The following MSI1 variants were observed in gnomAD, a reference collection of about 807,000 sequenced individuals.
The protein encoded by MSI1 is RNA-binding protein Musashi homolog 1.
Under a neutral mutation model 54.4 loss-of-function variants are expected in MSI1, and 15 were observed. That is an observed-to-expected ratio of 0.28 (90% CI 0.18 to 0.42). The LOEUF is 0.42. MSI1 is among the 20% of genes least tolerant of loss of function. MSI1 has a pLI of 1.00. For missense variants in MSI1, 304 were observed against 506.0 expected, an observed-to-expected ratio of 0.60 and a Z score of 3.83; for synonymous variants, 200 against 196.5, an observed-to-expected ratio of 1.02 and a Z score of -0.15.
chr12:120,344,745 C>G (rs1592920371), intron 14 of MSI1, among the ~76,000 whole-genome samples: 1 of 147,946 alleles, frequency 6.8e-6, no homozygotes, highest in African/African-American at 2.5e-5. Flanking sequence ...CGGTGGCTCA[C>G]CCCTGTAATC....
At position 120,346,097 on chromosome 12, in the gene MSI1, G is replaced by C. The variant is rs1443544306; in HGVS notation, c.1047+38C>G. 5.4e-6 allele frequency: 8 copies of C among 1,478,508 alleles called. No individual in the cohort carries two copies. The African/African-American group carries it at 5.6e-5, about 10-fold the overall frequency. The allele number at this position is 1,478,508 out of a possible 1,614,324, so 91.6% of individuals were successfully genotyped here. The stretch of plus-strand genomic sequence containing the variant: ...CCAACTTGGGGGTCTCTCAAGGTGT[G>C]GGGGGTGAGGTGGGGGCCGCTAGGC... On this transcript the variant is annotated intron_variant, in intron 13 of 14. Transcript: ENST00000257552.
Position 120,368,359 on chromosome 12 carries a change from G to T in MSI1, c.101-86C>A, listed in dbSNP as rs1397818600. ...CCTTTGCCCCCGGTGACCCCGGAGC[G>T]GCCCGGCCGCCCCCGCGCCAAGCTG... On this transcript the variant is annotated intron_variant, in intron 2 of 14. Transcript: ENST00000257552. This position sits in a 1 kb window ranked among gnomAD's most constrained non-coding sequence, Gnocchi z 6.6. The T allele has an allele frequency of 3.6e-6, 5 of 1,387,346 alleles. No homozygotes were observed. In the East Asian group the frequency reaches 8.0e-5, roughly 22 times the overall value. The allele number at this position is 1,387,346 out of a possible 1,614,324, so 85.9% of individuals were successfully genotyped here.
At chr12:120,353,448 T>C (rs1175711519) in intron 9 of MSI1, 69 bp from the exon 10 acceptor site, 6 of 1,393,604 alleles carry the variant, frequency 4.3e-6, no homozygotes, top group Middle Eastern at 1.8e-4. Context: ...GAGAAGGACC[T>C]GAGCCACTCA....
Position 120,356,893 on chromosome 12 carries a change from C to T in MSI1, c.652+9G>A. Reference sequence around the variant, plus strand: ...CAGAAAGAAGCCGCAGGCGCAGGCTCGCGCATACCCAGCATGCCGATGCCC... The same window carrying T: ...CAGAAAGAAGCCGCAGGCGCAGGCTTGCGCATACCCAGCATGCCGATGCCC... On this transcript the variant is annotated intron_variant, in intron 9 of 14. Transcript: ENST00000257552. 5 of 1,611,510 alleles carry T rather than the reference C, an allele frequency of 3.1e-6. No homozygotes were observed. Among genetic ancestry groups the T allele is most frequent in the Non-Finnish European group, 4.2e-6 (5 of 1,178,370 alleles).
chr12:120,368,300 C>A lies in MSI1; in HGVS notation c.101-27G>T. ...TGTAACCACACACCCGCCTTCGGAC[C>A]AGCCCGGGCCCCGCGCCCTTCCCCC... On this transcript the variant is annotated intron_variant, in intron 2 of 14. Coordinates refer to ENST00000257552, the MANE Select transcript of MSI1 (RefSeq NM_002442.4). The surrounding 1 kb of genome is among the most constrained non-coding windows in gnomAD (Gnocchi z 6.6). 1.3e-6 allele frequency: 2 copies of A among 1,544,766 alleles called. No homozygotes were observed. Among genetic ancestry groups the A allele is most frequent in the Non-Finnish European group, 8.7e-7 (1 of 1,146,032 alleles).
At chr12:120,363,202 C>G in intron 5 of MSI1, 67 bp from the exon 6 acceptor site, 1 of 1,385,816 alleles carries the variant, frequency 7.2e-7, no homozygotes, top group Admixed American at 1.7e-5. Context: ...AGCAGGGGCT[C>G]GAGCCCCCCT....
At chr12:120,359,898 T>A (rs969922046) in intron 6 of MSI1, among the ~76,000 whole-genome samples, 1 of 151,302 alleles carries the variant, frequency 6.6e-6, no homozygotes, top group Non-Finnish European at 1.5e-5. Context: ...TCCAAAGGAT[T>A]AAAAAAAAAC....
chr12:120,347,425 C>G, intron 12 of MSI1, 21 bp downstream of exon 12: 1 of 1,613,874 alleles, frequency 6.2e-7, no homozygotes, highest in South Asian at 1.1e-5. Flanking sequence ...ATCTCTCTTC[C>G]TGCACCTCAG....
In MSI1 at chr12:120,369,052, C is replaced by T; in HGVS notation, c.40G>A (p.Asp14Asn). Residue 14 changes from aspartate to asparagine, a missense_variant, in exon 1 of 15, where the codon GAC (aspartate) becomes AAC (asparagine). Asp to Asn is a conservative substitution (Grantham distance 23, BLOSUM62 1). This residue lies in a region of MSI1 where 30 missense variants were observed against 24.8 expected (regional missense o/e 1.21). Transcript: ENST00000257552. ...CCGTACCAGGGGTCGTGCGGCGAGT[C>T]CGGGGAGGCGAGGCCGGGCTGGGGC... is the stretch of plus-strand genomic sequence containing the variant. ...DAPQPGLASP[D>N]SPHDPCKMFI... 7.8e-6 allele frequency: 8 copies of T among 1,030,086 alleles called. No homozygotes were observed. Among genetic ancestry groups the T allele is most frequent in the Non-Finnish European group, 9.3e-6 (8 of 861,890 alleles). 63.8% of individuals were successfully genotyped at this position (1,030,086 alleles called of 1,614,324 possible).
In MSI1 at chr12:120,351,923, T is replaced by C. The variant is rs1217942116; in HGVS notation, c.734-523A>G. Among the ~76,000 whole-genome samples the C allele has an allele frequency of 1.5e-4, 22 of 150,752 alleles. No individual in the cohort carries two copies. The South Asian group carries it at 3.1e-3, about 22-fold the overall frequency. ...CGGGGTTTCACTGTATTAGCCAGGA[T>C]GGTCTCGATCTCCTGACCTCGTGAT... On this transcript the variant is annotated intron_variant, in intron 10 of 14. Coordinates refer to ENST00000257552, the MANE Select transcript of MSI1 (RefSeq NM_002442.4).
intron 7 of MSI1, among the ~76,000 whole-genome samples, chr12:120,358,367 T>C (rs1158100395): frequency 6.6e-6 from 1 of 152,174 alleles, no homozygotes; most frequent in African/African-American, 2.4e-5. Context: ...ATACCAGATA[T>C]AAACAGATAT....
rs570153330 is a variant in MSI1, at chr12:120,347,625, T to C, written c.791-111A>G. The C allele has an allele frequency of 8.3e-6, 11 of 1,319,860 alleles. No individual in the cohort carries two copies. The East Asian group carries it at 2.5e-4, about 31-fold the overall frequency. The allele number at this position is 1,319,860 out of a possible 1,614,324, so 81.8% of individuals were successfully genotyped here. On this transcript the variant is annotated intron_variant, in intron 11 of 14. Coordinates refer to ENST00000257552, the MANE Select transcript of MSI1 (RefSeq NM_002442.4). ...TCCAGCCTGGCCCTACCTCAGAGGG[T>C]TCCATGTAGCCCCAGGGTCAAGGCA... is the stretch of plus-strand genomic sequence containing the variant.
At chr12:120,361,597 A>C (rs1022326721) in intron 6 of MSI1, 1 of 106,922 alleles carries the variant, frequency 9.4e-6, no homozygotes, top group East Asian at 2.8e-4. Context: ...GGGCGGGGGG[A>C]GGGGAGGCGG....
At chr12:120,352,019 A>AT (rs1491033052) in intron 10 of MSI1, among the ~76,000 whole-genome samples, 1 of 15,678 alleles carries the variant, frequency 6.4e-5, no homozygotes, top group Non-Finnish European at 1.8e-4. Flanking sequence ...TTTTTATTTA[A>AT]AAAAAAAAAA....
chr12:120,357,918 TAA>T lies in MSI1; in HGVS notation c.452-22_452-21del. On this transcript the variant is annotated intron_variant, in intron 7 of 14. Coordinates refer to ENST00000257552, the MANE Select transcript of MSI1 (RefSeq NM_002442.4). Reference sequence around the variant, plus strand: ...CGAACCCTAGAGGTTGGACAAAGGATAAAGGCAAGGTCAGAACCAGAGCGCAG... The same window carrying T: ...CGAACCCTAGAGGTTGGACAAAGGATAGGCAAGGTCAGAACCAGAGCGCAG... 6.2e-7 allele frequency: 1 copy of T among 1,612,834 alleles called. No individual in the cohort carries two copies. Among genetic ancestry groups the T allele is most frequent in the Non-Finnish European group, 8.5e-7 (1 of 1,178,894 alleles).
chr12:120,348,835 G>C (rs1874362942), intron 11 of MSI1, among the ~76,000 whole-genome samples: 1 of 152,094 alleles, frequency 6.6e-6, no homozygotes, highest in South Asian at 2.1e-4. Context: ...GGAGGTTGCG[G>C]TGAGCCAAGA....
Position 120,368,304 on chromosome 12 carries a change from C to T in MSI1, c.101-31G>A. The T allele has an allele frequency of 6.5e-7, 1 of 1,533,344 alleles. No individual in the cohort carries two copies. The highest frequency in any genetic ancestry group is 8.7e-7 in the Non-Finnish European group (1 of 1,143,358). 95.0% of individuals were successfully genotyped at this position (1,533,344 alleles called of 1,614,324 possible). On this transcript the variant is annotated intron_variant, in intron 2 of 14. Transcript: ENST00000257552. This position sits in a 1 kb window ranked among gnomAD's most constrained non-coding sequence, Gnocchi z 6.6. ...ACCACACACCCGCCTTCGGACCAGCCCGGGCCCCGCGCCCTTCCCCCCCCC... is the reference window on the plus strand; with the variant it reads ...ACCACACACCCGCCTTCGGACCAGCTCGGGCCCCGCGCCCTTCCCCCCCCC...
At chr12:120,359,861 C>A (rs761374257) in intron 6 of MSI1, among the ~76,000 whole-genome samples, 1 of 152,052 alleles carries the variant, frequency 6.6e-6, no homozygotes, top group African/African-American at 2.4e-5. Context: ...TACTCCAGGC[C>A]CCAACCCTCC....
chr12:120,360,621 T>C (rs1875554807), intron 6 of MSI1, among the ~76,000 whole-genome samples: 1 of 152,192 alleles, frequency 6.6e-6, no homozygotes, highest in African/African-American at 2.4e-5. Flanking sequence ...ACTTAACCAA[T>C]GAAAAACAGA....
Sources: gnomAD v4.1 joint callset for allele counts (sites outside exome capture counted in the v4.1 genomes callset) on GRCh38, gnomAD v4.1.1 for gene constraint, gnomAD v4.1.1 regional missense constraint, Gnocchi (gnomAD v3.1) non-coding constraint, MANE v1.5 for transcripts, NCBI Gene and HGNC (gene_info 2026-07-23, HGNC 2026-07-21) for gene names.